Variants in CACNA1E observed in about 807,000 individuals in gnomAD.
CACNA1E encodes calcium voltage-gated channel subunit alpha1 E.
Under a neutral mutation model 259.2 loss-of-function variants are expected in CACNA1E, and 40 were observed. The observed-to-expected ratio is 0.15, with a 90% CI of 0.12 to 0.20. The LOEUF (loss-of-function observed/expected upper bound fraction) is 0.20, where lower values mean the gene tolerates loss of function less well. Ranked by LOEUF, CACNA1E falls within the 10% of genes least tolerant of loss-of-function variation. The probability of loss-of-function intolerance (pLI) is 1.00; values close to 1 mark genes in which losing one functional copy is unlikely to be tolerated. For synonymous variants in CACNA1E, 1,104 were observed against 1,138.5 expected (o/e 0.97, Z 0.61); for missense variants, 1,874 against 3,040.1 (o/e 0.62, Z 9.02).
intron 1 of CACNA1E, among the ~76,000 whole-genome samples, chr1:181,373,988 G>A (rs1357158517): frequency 6.6e-6 from 1 of 151,988 alleles, no homozygotes; most frequent in Non-Finnish European, 1.5e-5. Context: ...ATAGATTTTT[G>A]CATCTCAATT....
intron 3 of CACNA1E, among the ~76,000 whole-genome samples, chr1:181,537,423 T>C (rs1668261428): frequency 6.6e-6 from 1 of 152,150 alleles, no homozygotes. Flanking sequence ...AAAAATCAGA[T>C]TGTAGCTACT....
intron 7 of CACNA1E, among the ~76,000 whole-genome samples, chr1:181,691,247 T>G (rs190053261): frequency 1.4e-4 from 22 of 151,994 alleles, no homozygotes; most frequent in African/African-American, 4.8e-4. Context: ...TTTATCAGAG[T>G]TTTGTAGTTT....
intron 28 of CACNA1E, among the ~76,000 whole-genome samples, chr1:181,755,699 C>A (rs1010915685): frequency 2.0e-5 from 3 of 152,146 alleles, no homozygotes. Context: ...AGCTAAGACT[C>A]AGAAAGTTTA....
chr1:181,695,372 A>T (rs1015270140), intron 7 of CACNA1E, among the ~76,000 whole-genome samples: 4 of 152,218 alleles, frequency 2.6e-5, no homozygotes, highest in African/African-American at 9.6e-5. Context: ...AACTAGACAG[A>T]TGATTCAAAA....
At chr1:181,356,798 G>T (rs1397555463) in intron 1 of CACNA1E, among the ~76,000 whole-genome samples, 6 of 152,174 alleles carry the variant, frequency 3.9e-5, no homozygotes, top group African/African-American at 1.2e-4. Context: ...GGGATGTGAG[G>T]TGCAGGGAGG....
At chr1:181,382,322 G>C (rs751937610) in intron 1 of CACNA1E, among the ~76,000 whole-genome samples, 18 of 152,280 alleles carry the variant, frequency 1.2e-4, no homozygotes, top group Non-Finnish European at 2.4e-4. Context: ...GTAGGCTGTG[G>C]TGAGTTTAGA....
At chr1:181,434,946 A>C (rs971346694) in intron 2 of CACNA1E, among the ~76,000 whole-genome samples, 3 of 152,224 alleles carry the variant, frequency 2.0e-5, no homozygotes, top group African/African-American at 7.2e-5. Flanking sequence ...CAGTGAAATC[A>C]TGTTGATAAG....
chr1:181,664,288 G>A (rs955922988), intron 7 of CACNA1E, among the ~76,000 whole-genome samples: 1 of 152,202 alleles, frequency 6.6e-6, no homozygotes, highest in Non-Finnish European at 1.5e-5. Context: ...CAACAGAGAT[G>A]TGATTTACAC....
chr1:181,662,286 T>G (rs1647764579), intron 7 of CACNA1E, among the ~76,000 whole-genome samples: 1 of 152,188 alleles, frequency 6.6e-6, no homozygotes, highest in Non-Finnish European at 1.5e-5. Flanking sequence ...TGCCTCCTTG[T>G]TACAGTGGAG....
At chr1:181,685,697 T>TG (rs1454745754) in intron 7 of CACNA1E, among the ~76,000 whole-genome samples, 1 of 152,222 alleles carries the variant, frequency 6.6e-6, no homozygotes, top group East Asian at 1.9e-4. Flanking sequence ...TTAATTTTGG[T>TG]GGGGAAAGCA....
intron 6 of CACNA1E, among the ~76,000 whole-genome samples, chr1:181,603,639 T>C (rs1280087036): frequency 6.8e-6 from 1 of 147,262 alleles, no homozygotes; most frequent in Non-Finnish European, 1.5e-5. Context: ...TAGGAGAGAA[T>C]GTTAAAGTAG....
At chr1:181,651,516 C>A (rs748288047) in intron 7 of CACNA1E, 75 bp downstream of exon 7, 1 of 998,484 alleles carries the variant, frequency 1.0e-6, no homozygotes, top group Non-Finnish European at 1.6e-6. Flanking sequence ...TGACTCATGG[C>A]AGATTCATTC....
At chr1:181,358,187 C>G (rs1653601374) in intron 1 of CACNA1E, among the ~76,000 whole-genome samples, 1 of 152,208 alleles carries the variant, frequency 6.6e-6, no homozygotes, top group African/African-American at 2.4e-5. Context: ...GTCTTCCTCA[C>G]TACAATGGCC....
chr1:181,478,148 T>C lies in CACNA1E; in HGVS notation c.435-5596T>C, dbSNP rs184299779. Among the ~76,000 whole-genome samples, 828 of 152,354 alleles carry C rather than the reference T, an allele frequency of 5.4e-3. 31 individuals carry two copies. The highest frequency in any genetic ancestry group is 0.05 in the Admixed American group (767 of 15,308). On this transcript the variant is annotated intron_variant, in intron 2 of 11. Transcript: ENST00000524607. ...CTCTGGGTGTTCAGATAACAGGATG[T>C]GCCTCACAGTCCTTCTGCAAAGATG...
chr1:181,451,389 A>T (rs540487296), intron 2 of CACNA1E, among the ~76,000 whole-genome samples: 26 of 152,258 alleles, frequency 1.7e-4, no homozygotes, highest in African/African-American at 5.8e-4. Flanking sequence ...AGCTGAGGAG[A>T]AAGAGGTTAT....
At chr1:181,625,077 A>C (rs1477209217) in intron 6 of CACNA1E, among the ~76,000 whole-genome samples, 1 of 137,098 alleles carries the variant, frequency 7.3e-6, no homozygotes, top group South Asian at 2.3e-4. Context: ...TTTGAGAAGC[A>C]GATCTCAACA....
intron 1 of CACNA1E, among the ~76,000 whole-genome samples, chr1:181,321,674 G>C (rs1450492409): frequency 6.6e-6 from 1 of 152,164 alleles, no homozygotes; most frequent in Non-Finnish European, 1.5e-5. Flanking sequence ...TCTAGGCATT[G>C]TCATTCCCAC....
At chr1:181,654,982 C>CAAAAAAA (rs1208750325) in intron 7 of CACNA1E, among the ~76,000 whole-genome samples, 2 of 53,394 alleles carry the variant, frequency 3.7e-5, no homozygotes, top group East Asian at 6.8e-4. Flanking sequence ...GACTCCATCT[C>CAAAAAAA]AAAAAAAAAA....
At chr1:181,411,786 TTTTAG>T (rs1294039288) in intron 1 of CACNA1E, among the ~76,000 whole-genome samples, 2 of 152,212 alleles carry the variant, frequency 1.3e-5, no homozygotes, top group Admixed American at 6.5e-5. Context: ...ATTTTTGTAT[TTTTAG>T]TAGAGACTAG....
Sources: gnomAD v4.1 joint callset for allele counts (sites outside exome capture counted in the v4.1 genomes callset) on GRCh38, gnomAD v4.1.1 for gene constraint, MANE v1.5 for transcripts, NCBI Gene and HGNC (gene_info 2026-07-23, HGNC 2026-07-21) for gene names.